PHLDB2: variants seen among roughly 807,000 people sequenced by gnomAD.
PHLDB2 encodes the protein pleckstrin homology like domain family B member 2, also known as pleckstrin homology-like domain family B member 2.
Under a neutral mutation model 123.6 loss-of-function variants are expected in PHLDB2, and 71 were observed. That is an observed-to-expected ratio of 0.57 (90% CI 0.47 to 0.70). PHLDB2 has a LOEUF of 0.70. Ranked by LOEUF, PHLDB2 falls within the 30% of genes least tolerant of loss-of-function variation. PHLDB2 has a pLI of 0.00. For missense variants in PHLDB2, 1,446 were observed against 1,519.5 expected (o/e 0.95, Z 0.80); for synonymous variants, 547 against 541.6 (o/e 1.01, Z -0.14).
intron 2 of PHLDB2, chr3:111,845,939 A>C (rs1407717738): frequency 5.0e-6 from 8 of 1,613,254 alleles, no homozygotes; most frequent in Non-Finnish European, 6.8e-6. Flanking sequence ...CATTTCGGTG[A>C]GAACTTTATT....
At chr3:111,812,748 A>T (rs1430543703) in intron 1 of PHLDB2, among the ~76,000 whole-genome samples, 4 of 152,206 alleles carry the variant, frequency 2.6e-5, no homozygotes, top group Non-Finnish European at 4.4e-5. Flanking sequence ...TTCTGCAGAG[A>T]AAGTTAATGA....
chr3:111,969,028 T>C (rs1044851308), intron 15 of PHLDB2, among the ~76,000 whole-genome samples: 12 of 152,222 alleles, frequency 7.9e-5, no homozygotes, highest in Non-Finnish European at 1.6e-4. Context: ...CGGGCTTTCA[T>C]ACCAGCCATC....
At chr3:111,886,688 T>TA (rs1237103264) in intron 2 of PHLDB2, among the ~76,000 whole-genome samples, 1 of 152,228 alleles carries the variant, frequency 6.6e-6, no homozygotes, top group Non-Finnish European at 1.5e-5. Flanking sequence ...TCAAATACCC[T>TA]AACTGACAAT....
At chr3:111,841,446 G>C (rs566088852) in intron 1 of PHLDB2, among the ~76,000 whole-genome samples, 4 of 152,176 alleles carry the variant, frequency 2.6e-5, no homozygotes, top group African/African-American at 9.7e-5. Flanking sequence ...TATTATGTGA[G>C]GAAAGGTGGA....
At chr3:111,867,167 T>G (rs1481678885) in intron 1 of PHLDB2, among the ~76,000 whole-genome samples, 1 of 152,118 alleles carries the variant, frequency 6.6e-6, no homozygotes, top group Admixed American at 6.5e-5. Flanking sequence ...TCCCAGTTAC[T>G]TAAAAATACA....
intron 1 of PHLDB2, among the ~76,000 whole-genome samples, chr3:111,868,432 C>T (rs1576943136): frequency 6.6e-6 from 1 of 152,068 alleles, no homozygotes; most frequent in Non-Finnish European, 1.5e-5. Context: ...ATACTTCTCT[C>T]TTCCTCTTGT....
chr3:111,935,539 A>ATAGATAGG lies in PHLDB2; in HGVS notation c.2130+3146_2130+3147insTAGGTAGA, dbSNP rs2069430672. 6.0e-5 allele frequency among the ~76,000 whole-genome samples: 9 copies of ATAGATAGG among 149,278 alleles called. 1 individual carries two copies. In the South Asian group the frequency reaches 1.9e-3, roughly 32 times the overall value. On this transcript the variant is annotated intron_variant, in intron 6 of 17. Coordinates refer to ENST00000431670, the MANE Select transcript of PHLDB2 (RefSeq NM_001134438.2). Reference sequence around the variant, plus strand: ...GATAGATAGATAGATAGATAGATAGATAGAAGGGGAGTTCATTAAGTATTA... The same window carrying ATAGATAGG: ...GATAGATAGATAGATAGATAGATAGATAGATAGGTAGAAGGGGAGTTCATTAAGTATTA...
intron 6 of PHLDB2, among the ~76,000 whole-genome samples, chr3:111,933,243 G>A (rs753457103): frequency 1.3e-5 from 2 of 152,178 alleles, no homozygotes; most frequent in Non-Finnish European, 2.9e-5. Flanking sequence ...AAAGAGTCAC[G>A]TAATAGTAAT....
intron 1 of PHLDB2, among the ~76,000 whole-genome samples, chr3:111,757,950 G>A (rs546412663): frequency 1.2e-4 from 18 of 152,162 alleles, no homozygotes; most frequent in Non-Finnish European, 1.6e-4. Context: ...CTGTCTGATC[G>A]TTCCTCTGGA....
chr3:111,952,786 GC>G, intron 11 of PHLDB2, 74 bp downstream of exon 11: 3 of 1,513,644 alleles, frequency 2.0e-6, no homozygotes, highest in Middle Eastern at 1.8e-4. Flanking sequence ...ATGTGTAAAG[GC>G]CTTTAAAGAA....
chr3:111,795,335 G>GA (rs2061106365), intron 1 of PHLDB2, among the ~76,000 whole-genome samples: 1 of 152,070 alleles, frequency 6.6e-6, no homozygotes, highest in South Asian at 2.1e-4. Context: ...ACCCTAACTG[G>GA]AAATTTCAGT....
chr3:111,896,208 C>T (rs958656664), intron 2 of PHLDB2, among the ~76,000 whole-genome samples: 6 of 152,140 alleles, frequency 3.9e-5, no homozygotes, highest in African/African-American at 1.4e-4. Context: ...TCCCCTTAGC[C>T]TCTGAAACTA....
intron 1 of PHLDB2, among the ~76,000 whole-genome samples, chr3:111,754,238 G>C (rs2059840140): frequency 6.9e-6 from 1 of 144,686 alleles, no homozygotes; most frequent in African/African-American, 2.6e-5. Context: ...AATTACCTTG[G>C]CCAGTATGTC....
intron 1 of PHLDB2, among the ~76,000 whole-genome samples, chr3:111,799,706 C>A (rs2061311698): frequency 2.0e-5 from 3 of 152,228 alleles, no homozygotes; most frequent in Admixed American, 6.5e-5. Context: ...CTGTGAATAT[C>A]TTCCTATGTG....
intron 1 of PHLDB2, among the ~76,000 whole-genome samples, chr3:111,736,564 T>C (rs925018402): frequency 6.6e-6 from 1 of 152,164 alleles, no homozygotes; most frequent in East Asian, 1.9e-4. Flanking sequence ...TTAAATTAAA[T>C]ATTCACGCAG....
At chr3:111,828,983 A>C (rs531151917) in intron 1 of PHLDB2, among the ~76,000 whole-genome samples, 1 of 152,318 alleles carries the variant, frequency 6.6e-6, no homozygotes, top group Admixed American at 6.5e-5. Context: ...TCTTAGAGGA[A>C]AGGGAATATA....
chr3:111,849,593 AACAGC>A (rs1300357610), intron 2 of PHLDB2, among the ~76,000 whole-genome samples: 2 of 152,214 alleles, frequency 1.3e-5, no homozygotes, highest in Admixed American at 1.3e-4. Context: ...TTTCCATTTG[AACAGC>A]ACAGCAAGTG....
intron 2 of PHLDB2, 106 bp downstream of exon 2, chr3:111,885,518 T>C (rs771438959): frequency 4.0e-5 from 56 of 1,386,278 alleles, no homozygotes; most frequent in Non-Finnish European, 5.5e-5. Flanking sequence ...AGGATATTCA[T>C]GTTCACTAGC....
At chr3:111,777,484 A>T (rs73855604) in intron 1 of PHLDB2, among the ~76,000 whole-genome samples, 1 of 152,090 alleles carries the variant, frequency 6.6e-6, no homozygotes, top group Non-Finnish European at 1.5e-5. Context: ...TAACAAAGGG[A>T]TATTTAGTAC....
Sources: gnomAD v4.1 joint callset for allele counts (sites outside exome capture counted in the v4.1 genomes callset) on GRCh38, gnomAD v4.1.1 for gene constraint, MANE v1.5 for transcripts, NCBI Gene and HGNC (gene_info 2026-07-23, HGNC 2026-07-21) for gene names.